CSPP1: variants seen among roughly 807,000 people sequenced by gnomAD.
CSPP1 encodes the protein centrosome and spindle pole associated protein 1.
Under a neutral mutation model 164.4 loss-of-function variants are expected in CSPP1, and 126 were observed. That is an observed-to-expected ratio of 0.77 (90% CI 0.66 to 0.89). CSPP1 has a LOEUF of 0.89. Among genes scored for constraint, CSPP1 ranks in the 40% least tolerant of loss-of-function variants. The pLI is 0.00. For synonymous variants in CSPP1, 472 were observed against 476.7 expected (o/e 0.99, Z 0.13); for missense variants, 1,395 against 1,449.8 (o/e 0.96, Z 0.61).
rs759655809 is a variant in CSPP1, at chr8:67,086,065, A to C, written c.258A>C (p.Lys86Asn). 3.3e-6 allele frequency: 5 copies of C among 1,526,064 alleles called. No homozygotes were observed. In the South Asian group the frequency reaches 5.6e-5, roughly 17 times the overall value. The allele number at this position is 1,526,064 out of a possible 1,614,324, so 94.5% of individuals were successfully genotyped here. ...AAGACTATGAACGGAAGAAACATAA[A>C]TTAAAAGAAGAATTGCGGCAAGATT... is the stretch of plus-strand genomic sequence containing the variant. ...LGEDYERKKHKLKEELRQDYR... is the reference protein window; with the variant it reads ...LGEDYERKKHNLKEELRQDYR... Residue 86 changes from lysine (K) to asparagine (N), a missense_variant, in exon 4 of 31, where the codon AAA (lysine) becomes AAC (asparagine). Coordinates refer to ENST00000678616, the MANE Select transcript of CSPP1 (RefSeq NM_001382391.1).
intron 21 of CSPP1, among the ~76,000 whole-genome samples, chr8:67,159,916 CTTTCTTTCCT>C (rs1827685993): frequency 1.5e-4 from 8 of 52,220 alleles, no homozygotes; most frequent in Admixed American, 4.7e-4. Context: ...TTCTTTCTTT[CTTTCTTTCCT>C]TTCCTTCCTT....
At chr8:67,158,330 A>G (rs1445294506) in intron 19 of CSPP1, 117 bp from the exon 20 acceptor site, 2 of 1,138,620 alleles carry the variant, frequency 1.8e-6, no homozygotes, top group Admixed American at 3.4e-5. Context: ...TGAAAAATTT[A>G]GGAACATGCA....
At chr8:67,152,060 C>A (rs1400474378) in intron 18 of CSPP1, among the ~76,000 whole-genome samples, 15 of 147,112 alleles carry the variant, frequency 1.0e-4, no homozygotes, top group Admixed American at 9.5e-4. Flanking sequence ...TGCACTCCAG[C>A]CTGGTGACAG....
intron 26 of CSPP1, among the ~76,000 whole-genome samples, chr8:67,176,436 T>A (rs1831653430): frequency 6.6e-6 from 1 of 152,098 alleles, no homozygotes; most frequent in Admixed American, 6.5e-5. Context: ...CAATAAACAT[T>A]TGTATAGGGA....
At chr8:67,159,949 CCTTCCTT>C (rs1370732122) in intron 21 of CSPP1, among the ~76,000 whole-genome samples, 1 of 36,356 alleles carries the variant, frequency 2.8e-5, no homozygotes, top group Non-Finnish European at 5.5e-5. Flanking sequence ...TTCCTTCCTT[CCTTCCTT>C]CTTTCTTTTC....
At chr8:67,094,680 C>T (rs903431699) in intron 6 of CSPP1, among the ~76,000 whole-genome samples, 1 of 152,050 alleles carries the variant, frequency 6.6e-6, no homozygotes, top group African/African-American at 2.4e-5. Context: ...CCACTGGCCT[C>T]CACCTAGAAT....
At chr8:67,091,526 T>C (rs1811606639) in intron 4 of CSPP1, among the ~76,000 whole-genome samples, 1 of 152,212 alleles carries the variant, frequency 6.6e-6, no homozygotes. Flanking sequence ...TTTTCATGCT[T>C]CTAATCATCT....
At position 67,158,951 on chromosome 8, in the gene CSPP1, A is replaced by G. The variant is rs1827185287; in HGVS notation, c.2392-40A>G. 2.7e-6 allele frequency: 4 copies of G among 1,487,424 alleles called. No homozygotes were observed. In the South Asian group the frequency reaches 5.0e-5, roughly 19 times the overall value. The allele number at this position is 1,487,424 out of a possible 1,614,324, so 92.1% of individuals were successfully genotyped here. A position where few individuals can be genotyped will look rare whatever the true frequency, so the allele number is the denominator to read the frequency against. ...AGCACATTTTTGAATGTACTATAGA[A>G]GGAATATATGGAATGCATATTTCTC... On this transcript the variant is annotated intron_variant, in intron 20 of 30. Transcript: ENST00000678616.
chr8:67,087,153 A>C (rs1383651400), intron 4 of CSPP1, among the ~76,000 whole-genome samples: 1 of 152,036 alleles, frequency 6.6e-6, no homozygotes, highest in Non-Finnish European at 1.5e-5. Context: ...TCAGCATGCA[A>C]TTTTTTATTT....
chr8:67,121,636 T>C (rs895453417), intron 15 of CSPP1, among the ~76,000 whole-genome samples: 5 of 152,200 alleles, frequency 3.3e-5, no homozygotes, highest in African/African-American at 1.2e-4. Context: ...TTCCTTATAC[T>C]GTCTAGCTTT....
rs1263195871 is a variant in CSPP1 at position 67,195,442 on chromosome 8, C to T, written c.3530C>T (p.Ser1177Leu). 8 of 1,614,198 alleles carry T rather than the reference C, an allele frequency of 5.0e-6. No homozygotes were observed. The highest frequency in any genetic ancestry group is 6.8e-6 in the Non-Finnish European group (8 of 1,180,020). Residue 1177 changes from serine to leucine, a missense_variant, in exon 31 of 31, where the codon TCA becomes TTA. Transcript: ENST00000678616. ...DIMKHIGDDG[S>L]NSVATEPWLR... ...ATGAAACACATAGGGGATGACGGATCAAACTCTGTAGCAACTGAGCCCTGG... is the reference window on the plus strand; with the variant it reads ...ATGAAACACATAGGGGATGACGGATTAAACTCTGTAGCAACTGAGCCCTGG...
At chr8:67,127,482 A>C (rs1274035224) in intron 15 of CSPP1, among the ~76,000 whole-genome samples, 2 of 152,116 alleles carry the variant, frequency 1.3e-5, no homozygotes, top group Non-Finnish European at 2.9e-5. Context: ...TCCTGATCTC[A>C]TCTAAACCTA....
At chr8:67,188,658 C>A (rs1835347879) in intron 28 of CSPP1, among the ~76,000 whole-genome samples, 1 of 152,128 alleles carries the variant, frequency 6.6e-6, no homozygotes, top group Non-Finnish European at 1.5e-5. Context: ...GCTTGCTGTC[C>A]ACCAGTGCTG....
At chr8:67,149,243 AG>A (rs1249117150) in intron 17 of CSPP1, among the ~76,000 whole-genome samples, 1 of 152,196 alleles carries the variant, frequency 6.6e-6, no homozygotes, top group Non-Finnish European at 1.5e-5. Context: ...TTTATGAGGT[AG>A]CCTCAGAAGT....
intron 30 of CSPP1, among the ~76,000 whole-genome samples, chr8:67,194,065 G>A (rs1035583556): frequency 1.7e-5 from 2 of 118,094 alleles, no homozygotes; most frequent in African/African-American, 5.3e-5. Flanking sequence ...AAAGCTAGTC[G>A]TCTCCTCATT....
At chr8:67,100,528 T>C (rs1447084833) in intron 7 of CSPP1, among the ~76,000 whole-genome samples, 4 of 151,846 alleles carry the variant, frequency 2.6e-5, no homozygotes, top group African/African-American at 9.7e-5. Context: ...CCTTTAATTC[T>C]GGGACCCCAA....
chr8:67,127,850 T>C (rs1820399273), intron 15 of CSPP1, among the ~76,000 whole-genome samples: 1 of 152,254 alleles, frequency 6.6e-6, no homozygotes, highest in South Asian at 2.1e-4. Flanking sequence ...AAAAGTTAGA[T>C]AACTGAGTGA....
At chr8:67,188,977 C>G (rs1454056156) in intron 28 of CSPP1, among the ~76,000 whole-genome samples, 1 of 152,204 alleles carries the variant, frequency 6.6e-6, no homozygotes, top group African/African-American at 2.4e-5. Context: ...AAGAGGCTTG[C>G]CGCCATCTTG....
In CSPP1 at chr8:67,084,752, A is replaced by G. The variant is rs1810036117; in HGVS notation, c.200-1255A>G. The stretch of plus-strand genomic sequence containing the variant: ...AGACCCTGTCTAAAGAGAGAGAAAA[A>G]AAAAAAAGCCAAGTTTTATTTTGTT... On this transcript the variant is annotated intron_variant, in intron 3 of 30. Transcript: ENST00000678616. Among the ~76,000 whole-genome samples the G allele has an allele frequency of 2.0e-5, 3 of 152,052 alleles. No individual in the cohort carries two copies. The South Asian group carries it at 6.2e-4, about 32-fold the overall frequency.
Sources: allele counts gnomAD v4.1 joint callset (sites outside exome capture counted in the v4.1 genomes callset), GRCh38; gene constraint gnomAD v4.1.1; transcripts MANE v1.5; gene names NCBI Gene and HGNC (gene_info 2026-07-23, HGNC 2026-07-21).